The following GPRC5B variants were observed in gnomAD, a reference collection of about 807,000 sequenced individuals.
The protein encoded by GPRC5B is G protein-coupled receptor class C group 5 member B, also known as G protein-coupled receptor family C group 5 member B.
In GPRC5B, 16 loss-of-function variants were observed where a neutral mutation model predicts 30.1. The ratio of observed to expected loss-of-function variants is 0.53; its 90% CI spans 0.36 to 0.81. The LOEUF (loss-of-function observed/expected upper bound fraction) is 0.81, where lower values mean the gene tolerates loss of function less well. Ranked by LOEUF, GPRC5B falls within the 30% of genes least tolerant of loss-of-function variation. The probability of loss-of-function intolerance (pLI) is 0.01; values close to 1 mark genes in which losing one functional copy is unlikely to be tolerated. For missense variants in GPRC5B, 428 were observed against 544.7 expected (o/e 0.79, Z 2.13); for synonymous variants, 241 against 239.5 (o/e 1.01, Z -0.06).
chr16:19,871,729 C>T (rs1473572657), intron 2 of GPRC5B, 87 bp downstream of exon 2: 1 of 1,223,724 alleles, frequency 8.2e-7, no homozygotes, highest in East Asian at 2.3e-5. Flanking sequence ...GGTACTGGGA[C>T]CGCCCATCCC....
At position 19,859,777 on chromosome 16, in the gene GPRC5B, G is replaced by A. The variant is rs918145798; in HGVS notation, c.*723C>T. The A allele has an allele frequency of 1.3e-5, 2 of 152,776 alleles. No individual in the cohort carries two copies. The highest frequency in any genetic ancestry group is 2.9e-5 in the Non-Finnish European group (2 of 68,152). 9.5% of individuals were successfully genotyped at this position (152,776 alleles called of 1,614,324 possible). Reference sequence around the variant, plus strand: ...CTACAAGGGAAGGGGCGGGGCCTGTGTTCTCACCATAGACACTAGAGCAAG... The same window carrying A: ...CTACAAGGGAAGGGGCGGGGCCTGTATTCTCACCATAGACACTAGAGCAAG... On this transcript the variant is annotated 3_prime_UTR_variant, in exon 4 of 4. Transcript: ENST00000300571.
In GPRC5B at chr16:19,857,356, C is replaced by A; in HGVS notation, c.*3144G>T. The A allele has an allele frequency of 2.5e-6, 1 of 399,498 alleles. No individual in the cohort carries two copies. Among genetic ancestry groups the A allele is most frequent in the Non-Finnish European group, 4.8e-6 (1 of 210,272 alleles). 24.7% of individuals were successfully genotyped at this position (399,498 alleles called of 1,614,324 possible). A position where few individuals can be genotyped will look rare whatever the true frequency, so the allele number is the denominator to read the frequency against. On this transcript the variant is annotated 3_prime_UTR_variant, in exon 4 of 4. Coordinates refer to ENST00000300571, the MANE Select transcript of GPRC5B (RefSeq NM_016235.3). ...ACAGCATTTTGAAAATAAAACCTAT[C>A]TGCCCATGGTTTACAGCCTTTTAAA...
rs760463381 is a variant in GPRC5B at position 19,861,899 on chromosome 16, C to T, written c.1105G>A (p.Ala369Thr). The T allele has an allele frequency of 2.2e-5, 35 of 1,613,054 alleles. No homozygotes were observed. Among genetic ancestry groups the T allele is most frequent in the African/African-American group, 9.3e-5 (7 of 74,868 alleles). The change falls in exon 3 of 4, where the codon GCT becomes ACT. Residue 369 changes from alanine (A) to threonine (T), a missense_variant. This residue lies in a region of GPRC5B where 213 missense variants were observed against 229.1 expected (regional missense o/e 0.93). Transcript: ENST00000300571. ...TGATACACGTTGCTTCTAAACGGAG[C>T]GCTGGGTCTTTTCCCCAAGCTGCCA... is the stretch of plus-strand genomic sequence containing the variant. ...PSGSLGKRPS[A>T]PFRSNVYQPT...
At chr16:19,867,678 G>A (rs2056678256) in intron 2 of GPRC5B, among the ~76,000 whole-genome samples, 1 of 152,204 alleles carries the variant, frequency 6.6e-6, no homozygotes, top group Non-Finnish European at 1.5e-5. Flanking sequence ...CCAGTGTGAT[G>A]ATATTAGATG....
At chr16:19,863,357 C>T (rs1039922833) in intron 2 of GPRC5B, among the ~76,000 whole-genome samples, 2 of 151,816 alleles carry the variant, frequency 1.3e-5, no homozygotes, top group Admixed American at 1.3e-4. Flanking sequence ...GACGGGGTCT[C>T]ACTTTGTTGC....
chr16:19,884,089 C>A (rs1273962471), intron 1 of GPRC5B, among the ~76,000 whole-genome samples: 1 of 148,660 alleles, frequency 6.7e-6, no homozygotes, highest in Non-Finnish European at 1.5e-5. Flanking sequence ...CACTGCCCCC[C>A]CCGCCATTGT....
At chr16:19,869,701 G>A (rs527548641) in intron 2 of GPRC5B, among the ~76,000 whole-genome samples, 32 of 152,122 alleles carry the variant, frequency 2.1e-4, no homozygotes, top group African/African-American at 7.0e-4. Context: ...CATCTCAAGC[G>A]CTCAGCAAGT....
At chr16:19,883,876 C>T (rs1371508293) in intron 1 of GPRC5B, among the ~76,000 whole-genome samples, 2 of 152,236 alleles carry the variant, frequency 1.3e-5, no homozygotes, top group African/African-American at 4.8e-5. Flanking sequence ...CAACCGGCTG[C>T]CCGGGGCCAA....
intron 1 of GPRC5B, among the ~76,000 whole-genome samples, chr16:19,879,599 C>G (rs970944251): frequency 4.6e-5 from 7 of 152,066 alleles, no homozygotes; most frequent in Non-Finnish European, 8.8e-5. Flanking sequence ...AAGGCCTGCC[C>G]GGAGGCTACA....
Position 19,872,638 on chromosome 16 carries a change from T to C in GPRC5B, c.208A>G (p.Thr70Ala). Residue 70 changes from threonine (T) to alanine (A), a missense_variant, in exon 2 of 4, where the codon ACA becomes GCA. Transcript: ENST00000300571. The surrounding 1 kb of genome is among the most constrained non-coding windows in gnomAD (Gnocchi z 5.0). ...EAVAGAGALI[T>A]LLLMLILLVR... Reference sequence around the variant, plus strand: ...AGGAGGATGAGCATCAGGAGCAGTGTGATCAGGGCGCCCGCCCCGGCCACC... The same window carrying C: ...AGGAGGATGAGCATCAGGAGCAGTGCGATCAGGGCGCCCGCCCCGGCCACC... The C allele has an allele frequency of 6.2e-7, 1 of 1,614,112 alleles. No individual in the cohort carries two copies. Among genetic ancestry groups the C allele is most frequent in the East Asian group, 2.2e-5 (1 of 44,866 alleles).
At chr16:19,862,595 A>G (rs1455553971) in intron 2 of GPRC5B, among the ~76,000 whole-genome samples, 1 of 152,150 alleles carries the variant, frequency 6.6e-6, no homozygotes, top group African/African-American at 2.4e-5. Context: ...ATGAAAAGAC[A>G]TGGAGGAATC....
At chr16:19,883,480 G>A (rs766074814) in intron 1 of GPRC5B, among the ~76,000 whole-genome samples, 2 of 152,166 alleles carry the variant, frequency 1.3e-5, no homozygotes, top group Non-Finnish European at 2.9e-5. Context: ...TGGATCCTCC[G>A]CAAGCCCGAG....
chr16:19,874,228 T>C (rs1375735253), intron 1 of GPRC5B, among the ~76,000 whole-genome samples: 1 of 152,108 alleles, frequency 6.6e-6, no homozygotes, highest in Non-Finnish European at 1.5e-5. Context: ...CTCTTGCCCA[T>C]ATACGAGCTG....
chr16:19,873,964 G>A (rs1260677050), intron 1 of GPRC5B, among the ~76,000 whole-genome samples: 1 of 152,062 alleles, frequency 6.6e-6, no homozygotes, highest in Non-Finnish European at 1.5e-5. Flanking sequence ...TGTATTTCTA[G>A]TAGAGACTAG....
rs776040260 is a variant in GPRC5B at position 19,872,238 on chromosome 16, G to T, written c.608C>A (p.Ala203Asp). The T allele has an allele frequency of 5.6e-6, 9 of 1,614,048 alleles. No homozygotes were observed. The change falls in exon 2 of 4, where the codon GCC becomes GAC. Residue 203 changes from alanine (A) to aspartate (D), a missense_variant. This residue lies in a region of GPRC5B where 213 missense variants were observed against 229.1 expected (regional missense o/e 0.93). Coordinates refer to ENST00000300571, the MANE Select transcript of GPRC5B (RefSeq NM_016235.3). This position sits in a 1 kb window ranked among gnomAD's most constrained non-coding sequence, Gnocchi z 5.0. Reference sequence around the variant, plus strand: ...AAGCAGTACCATGTCGTAGATGAGGGCCATCACAAAGTCCATGGGCTCGTA... The same window carrying T: ...AAGCAGTACCATGTCGTAGATGAGGTCCATCACAAAGTCCATGGGCTCGTA... ...CAYEPMDFVM[A>D]LIYDMVLLVV...
intron 3 of GPRC5B, among the ~76,000 whole-genome samples, chr16:19,860,754 G>A (rs966144423): frequency 2.6e-5 from 4 of 152,148 alleles, no homozygotes; most frequent in Non-Finnish European, 4.4e-5. Flanking sequence ...CCATCCACCC[G>A]TAAGGAATGT....
At chr16:19,863,512 T>C (rs2056643471) in intron 2 of GPRC5B, among the ~76,000 whole-genome samples, 1 of 136,230 alleles carries the variant, frequency 7.3e-6, no homozygotes, top group African/African-American at 2.8e-5. Context: ...TTTTTTTTTT[T>C]TTGAGACAAG....
intron 1 of GPRC5B, among the ~76,000 whole-genome samples, chr16:19,884,428 C>G (rs2056835029): frequency 6.6e-6 from 1 of 151,454 alleles, no homozygotes; most frequent in African/African-American, 2.4e-5. Flanking sequence ...GTGGTCGCCC[C>G]CACACCCTCC....
intron 3 of GPRC5B, among the ~76,000 whole-genome samples, chr16:19,860,912 T>C (rs2056616269): frequency 6.6e-6 from 1 of 152,080 alleles, no homozygotes; most frequent in Admixed American, 6.6e-5. Context: ...CAGGCTTTTC[T>C]TGGCTCGGGA....
Sources: gnomAD v4.1 joint callset for allele counts (sites outside exome capture counted in the v4.1 genomes callset) on GRCh38, gnomAD v4.1.1 for gene constraint, gnomAD v4.1.1 regional missense constraint, Gnocchi (gnomAD v3.1) non-coding constraint, MANE v1.5 for transcripts, NCBI Gene and HGNC (gene_info 2026-07-23, HGNC 2026-07-21) for gene names.